The following REV3L variants were observed in gnomAD, a reference collection of about 807,000 sequenced individuals.
REV3L encodes REV3 like, DNA directed polymerase zeta catalytic subunit.
In REV3L, 69 loss-of-function variants were observed where a neutral mutation model predicts 299.4. That is an observed-to-expected ratio of 0.23 (90% CI 0.19 to 0.28). The LOEUF (loss-of-function observed/expected upper bound fraction) is 0.28, where lower values mean the gene tolerates loss of function less well. REV3L is among the 10% of genes least tolerant of loss of function. The probability of loss-of-function intolerance (pLI) is 1.00; values close to 1 mark genes in which losing one functional copy is unlikely to be tolerated. For synonymous variants in REV3L, 1,238 were observed against 1,271.4 expected (o/e 0.97, Z 0.56); for missense variants, 3,128 against 3,693.8 (o/e 0.85, Z 3.97).
chr6:111,304,073 G>A (rs1019623118), intron 31 of REV3L, among the ~76,000 whole-genome samples: 1 of 151,590 alleles, frequency 6.6e-6, no homozygotes, highest in Non-Finnish European at 1.5e-5. Context: ...TTTGGTACTG[G>A]GTTACAGAGT....
chr6:111,422,649 CATATATATATATACAT>C lies in REV3L; in HGVS notation c.140-6193_140-6178del, dbSNP rs1582931811. Among the ~76,000 whole-genome samples, 26 of 22,500 alleles carry C rather than the reference CATATATATATATACAT, an allele frequency of 1.2e-3. 3 individuals are homozygous for C. In the East Asian group the frequency reaches 0.016, roughly 14 times the overall value. 14.8% of individuals were successfully genotyped at this position (22,500 alleles called of 152,430 possible). A position where few individuals can be genotyped will look rare whatever the true frequency, so the allele number is the denominator to read the frequency against. On this transcript the variant is annotated intron_variant, in intron 1 of 31. Coordinates refer to ENST00000368802, the MANE Select transcript of REV3L (RefSeq NM_001372078.1). ...ATATATACACATATATATATATATA[CATATATATATATACAT>C]ATATATATATATACGTATATATATA...
At chr6:111,325,638 T>C (rs1774699031) in intron 25 of REV3L, among the ~76,000 whole-genome samples, 1 of 152,204 alleles carries the variant, frequency 6.6e-6, no homozygotes, top group South Asian at 2.1e-4. Context: ...TTTTAAAAGC[T>C]TTTAATTATT....
intron 1 of REV3L, among the ~76,000 whole-genome samples, chr6:111,466,527 C>A (rs1791537038): frequency 1.3e-5 from 2 of 152,162 alleles, no homozygotes; most frequent in Admixed American, 6.5e-5. Flanking sequence ...CTGTGAGACA[C>A]ATTACAAACT....
chr6:111,367,086 T>A, intron 14 of REV3L, 29 bp downstream of exon 14: 1 of 1,485,114 alleles, frequency 6.7e-7, no homozygotes, highest in Non-Finnish European at 9.0e-7. Context: ...AGAACAATTA[T>A]GGAGACTTCC....
At position 111,322,600 on chromosome 6, in the gene REV3L, C is replaced by T. The variant is rs1774302844; in HGVS notation, c.8320G>A (p.Gly2774Arg). The T allele has an allele frequency of 2.5e-6, 4 of 1,613,974 alleles. No individual in the cohort carries two copies. In the African/African-American group the frequency reaches 5.3e-5, roughly 22 times the overall value. The change falls in exon 26 of 32, where the codon GGG (glycine) becomes AGG (arginine). Residue 2774 changes from glycine (G) to arginine (R), a missense_variant. Coordinates refer to ENST00000368802, the MANE Select transcript of REV3L (RefSeq NM_001372078.1). ...GTATCGCCATATACAACCCTAGCCC[C>T]CCATTTCTTGGTATCATTCACCAGT... is the stretch of plus-strand genomic sequence containing the variant. Reference protein sequence around the residue: ...IKLVNDTKKWGARVVYGDTDS... With the variant: ...IKLVNDTKKWRARVVYGDTDS...
chr6:111,418,352 T>C (rs1413251945), intron 1 of REV3L, among the ~76,000 whole-genome samples: 4 of 152,210 alleles, frequency 2.6e-5, no homozygotes, highest in Non-Finnish European at 4.4e-5. Flanking sequence ...AAAATTGGAC[T>C]GTATTAATAG....
chr6:111,431,688 T>C, intron 1 of REV3L: 1 of 954,600 alleles, frequency 1.0e-6, no homozygotes, highest in Non-Finnish European at 1.7e-6. Flanking sequence ...TTTCCATTCC[T>C]TCCCCCGTCA....
chr6:111,368,608 T>C (rs1779461569), intron 13 of REV3L, among the ~76,000 whole-genome samples: 1 of 152,130 alleles, frequency 6.6e-6, no homozygotes, highest in Non-Finnish European at 1.5e-5. Flanking sequence ...TGACATAACT[T>C]AGGAGCTGGC....
At chr6:111,436,538 AC>A (rs1418382557) in intron 1 of REV3L, among the ~76,000 whole-genome samples, 1 of 152,172 alleles carries the variant, frequency 6.6e-6, no homozygotes, top group African/African-American at 2.4e-5. Flanking sequence ...GTACAGAAAG[AC>A]ATTATTACAT....
Position 111,301,014 on chromosome 6 carries a change from C to T in REV3L, c.9253-858G>A, listed in dbSNP as rs149595590. The stretch of plus-strand genomic sequence containing the variant: ...TTCAGAAAGCGAATAGGAGAAATAT[C>T]GCTGAATTCTTTTCTCAGCAAGGAA... On this transcript the variant is annotated intron_variant, in intron 31 of 31. Coordinates refer to ENST00000368802, the MANE Select transcript of REV3L (RefSeq NM_001372078.1). 3.5e-3 allele frequency among the ~76,000 whole-genome samples: 528 copies of T among 152,292 alleles called. 2 individuals carry two copies. The highest frequency in any genetic ancestry group is 5.2e-3 in the Non-Finnish European group (355 of 68,018).
At chr6:111,303,935 G>A (rs1045263309) in intron 31 of REV3L, among the ~76,000 whole-genome samples, 3 of 151,672 alleles carry the variant, frequency 2.0e-5, no homozygotes, top group African/African-American at 7.3e-5. Flanking sequence ...TTGGCCAAAC[G>A]TTTCAAACTC....
At chr6:111,468,333 G>T (rs1791754378) in intron 1 of REV3L, among the ~76,000 whole-genome samples, 1 of 152,096 alleles carries the variant, frequency 6.6e-6, no homozygotes. Context: ...TAAATAAAAA[G>T]TAATCTACCA....
rs1255429985 is a variant in REV3L at position 111,303,682 on chromosome 6, TTTTTTTAACAGACTATGAC to T, written c.9253-3545_9253-3527del. Reference sequence around the variant, plus strand: ...ATCCCCAGCCGAGGCTTTTTTTTTTTTTTTTTAACAGACTATGACTTTTTTTTTTTTTTTTTTTTTTTTT... The same window carrying T: ...ATCCCCAGCCGAGGCTTTTTTTTTTTTTTTTTTTTTTTTTTTTTTTTTTTT... On this transcript the variant is annotated intron_variant, in intron 31 of 31. Transcript: ENST00000368802. Among the ~76,000 whole-genome samples the T allele has an allele frequency of 8.6e-4, 74 of 86,266 alleles. 19 individuals carry two copies. Among genetic ancestry groups the T allele is most frequent in the East Asian group, 3.2e-3 (9 of 2,856 alleles). The allele number at this position is 86,266 out of a possible 152,430, so 56.6% of individuals were successfully genotyped here.
Position 111,388,036 on chromosome 6 carries a change from T to C in REV3L, c.912A>G (p.Arg304=), listed in dbSNP as rs773412404. ...ATESEKKFQK[R]LQEILKQNDF... is the part of the protein sequence containing the mutation. The stretch of plus-strand genomic sequence containing the variant: ...CATTCTGTTTGAGAATTTCCTGAAG[T>C]CTCTTCTGAAATTTTTTTTCACTTT... The change falls in exon 8 of 32, where the codon AGA becomes AGG. Residue 304 remains arginine, a synonymous_variant. Coordinates refer to ENST00000368802, the MANE Select transcript of REV3L (RefSeq NM_001372078.1). 1 of 1,612,948 alleles carries C rather than the reference T, an allele frequency of 6.2e-7. No individual in the cohort carries two copies. Among genetic ancestry groups the C allele is most frequent in the Non-Finnish European group, 8.5e-7 (1 of 1,179,550 alleles).
At chr6:111,475,515 C>T (rs1036944331) in intron 1 of REV3L, among the ~76,000 whole-genome samples, 1 of 152,100 alleles carries the variant, frequency 6.6e-6, no homozygotes, top group Non-Finnish European at 1.5e-5. Context: ...TCACCTTTCC[C>T]GAGTTATACT....
intron 4 of REV3L, among the ~76,000 whole-genome samples, chr6:111,401,271 C>A (rs1783057106): frequency 6.6e-6 from 1 of 152,210 alleles, no homozygotes; most frequent in Non-Finnish European, 1.5e-5. Context: ...ACAACCTTCA[C>A]AAAGATGGGA....
chr6:111,379,932 G>T, intron 11 of REV3L, 50 bp downstream of exon 11: 1 of 1,050,308 alleles, frequency 9.5e-7, no homozygotes, highest in Non-Finnish European at 1.4e-6. Flanking sequence ...CTGATTGAAG[G>T]ACAATAATGA....
chr6:111,333,543 C>A (rs545873121), intron 22 of REV3L, among the ~76,000 whole-genome samples, 176 bp from the exon 23 acceptor site: 1 of 151,498 alleles, frequency 6.6e-6, no homozygotes, highest in Non-Finnish European at 1.5e-5. Context: ...GGCACGATTG[C>A]GGCTCACTGC....
chr6:111,338,764 T>C (rs1488247409), intron 21 of REV3L, among the ~76,000 whole-genome samples: 1 of 152,122 alleles, frequency 6.6e-6, no homozygotes, highest in East Asian at 1.9e-4. Flanking sequence ...TATTAGAACT[T>C]AAATAAATGG....
Sources: allele counts gnomAD v4.1 joint callset (sites outside exome capture counted in the v4.1 genomes callset), GRCh38; gene constraint gnomAD v4.1.1; transcripts MANE v1.5; gene names NCBI Gene and HGNC (gene_info 2026-07-23, HGNC 2026-07-21).